NEK10: variants seen among roughly 807,000 people sequenced by gnomAD.
NEK10 encodes the protein NIMA related kinase 10.
Under a neutral mutation model 159.8 loss-of-function variants are expected in NEK10, and 122 were observed. The observed-to-expected ratio is 0.76, with a 90% CI of 0.66 to 0.89. The LOEUF (loss-of-function observed/expected upper bound fraction) is 0.89, where lower values mean the gene tolerates loss of function less well. NEK10 is among the 40% of genes least tolerant of loss of function. The pLI is 0.00. For synonymous variants in NEK10, 466 were observed against 457.1 expected (o/e 1.02, Z -0.25); for missense variants, 1,342 against 1,323.1 (o/e 1.01, Z -0.22).
intron 6 of NEK10, among the ~76,000 whole-genome samples, chr3:27,315,346 G>A (rs1374770150): frequency 2.6e-5 from 4 of 152,114 alleles, no homozygotes; most frequent in African/African-American, 9.7e-5. Context: ...TTTCTCTCAA[G>A]GCCTCCTGGG....
intron 23 of NEK10, 57 bp from the exon 24 acceptor site, chr3:27,202,614 G>A (rs1211633792): frequency 7.1e-7 from 1 of 1,409,254 alleles, no homozygotes; most frequent in African/African-American, 1.5e-5. Context: ...CGCTCAGAAA[G>A]ATCCAATTTT....
chr3:27,301,429 A>C (rs900272975), intron 13 of NEK10, among the ~76,000 whole-genome samples: 1 of 152,144 alleles, frequency 6.6e-6, no homozygotes, highest in Non-Finnish European at 1.5e-5. Flanking sequence ...CCTCATAATA[A>C]AGCTAATGTT....
chr3:27,277,049 A>C (rs920552718), intron 22 of NEK10, among the ~76,000 whole-genome samples: 1 of 152,214 alleles, frequency 6.6e-6, no homozygotes. Flanking sequence ...TTTCTTTAAC[A>C]GTAAAAGCAG....
chr3:27,142,339 C>G lies in NEK10; in HGVS notation c.2870-757G>C, dbSNP rs538897668. ...TTCTCTAGATTACCTACAAGGCCAC[C>G]TCTGCCTCTTTTCACCCACAGAACC... On this transcript the variant is annotated intron_variant, in intron 30 of 35. Transcript: ENST00000691995. Among the ~76,000 whole-genome samples the G allele has an allele frequency of 4.3e-4, 66 of 152,218 alleles. 1 individual carries two copies. In the South Asian group the frequency reaches 0.014, roughly 32 times the overall value.
chr3:27,316,017 C>T (rs184647422), intron 6 of NEK10, among the ~76,000 whole-genome samples: 19 of 152,238 alleles, frequency 1.2e-4, no homozygotes, highest in Admixed American at 2.0e-4. Context: ...GCTGTAATTC[C>T]GAGAGAAGCA....
intron 22 of NEK10, among the ~76,000 whole-genome samples, chr3:27,278,033 G>T (rs986468568): frequency 6.6e-6 from 1 of 152,150 alleles, no homozygotes; most frequent in Non-Finnish European, 1.5e-5. Context: ...TTTAGGCTTT[G>T]CCTAAATGGA....
intron 7 of NEK10, among the ~76,000 whole-genome samples, 194 bp downstream of exon 7, chr3:27,314,103 A>C (rs1286670469): frequency 6.6e-6 from 1 of 152,174 alleles, no homozygotes; most frequent in African/African-American, 2.4e-5. Flanking sequence ...CCAATTAGCC[A>C]GAACAAAATG....
intron 32 of NEK10, among the ~76,000 whole-genome samples, chr3:27,123,946 G>A (rs377334461): frequency 2.8e-4 from 42 of 152,098 alleles, no homozygotes; most frequent in African/African-American, 9.2e-4. Flanking sequence ...AGATGAGGGT[G>A]AACAGAAGGG....
At chr3:27,284,258 G>A (rs1298783778) in intron 22 of NEK10, among the ~76,000 whole-genome samples, 1 of 152,050 alleles carries the variant, frequency 6.6e-6, no homozygotes, top group Non-Finnish European at 1.5e-5. Context: ...GGTGGCGGGT[G>A]CCCATAATCC....
At chr3:27,112,754 G>C (rs972567676) in intron 35 of NEK10, among the ~76,000 whole-genome samples, 2 of 152,210 alleles carry the variant, frequency 1.3e-5, no homozygotes, top group East Asian at 3.9e-4. Flanking sequence ...AAATATATGT[G>C]GCCATGAAAC....
chr3:27,175,069 G>T (rs998055488), intron 26 of NEK10, among the ~76,000 whole-genome samples: 3 of 152,166 alleles, frequency 2.0e-5, no homozygotes, highest in Non-Finnish European at 4.4e-5. Context: ...TGGCAAGAGT[G>T]TTCAGTAGAA....
intron 23 of NEK10, among the ~76,000 whole-genome samples, chr3:27,211,135 A>C (rs67773676): frequency 0.033 from 5,041 of 152,298 alleles, 102 homozygotes; most frequent in African/African-American, 0.044. Flanking sequence ...AATCAGACTC[A>C]ATTTTCATTT....
At chr3:27,269,594 T>C (rs1245703471) in intron 22 of NEK10, among the ~76,000 whole-genome samples, 1 of 152,216 alleles carries the variant, frequency 6.6e-6, no homozygotes, top group Non-Finnish European at 1.5e-5. Flanking sequence ...AATAGACTAT[T>C]GCACACAAAT....
At chr3:27,249,184 A>G (rs758825716) in intron 23 of NEK10, among the ~76,000 whole-genome samples, 8 of 152,226 alleles carry the variant, frequency 5.3e-5, no homozygotes, top group Admixed American at 1.3e-4. Context: ...CTTGTAAAGA[A>G]GGAGCCTTGC....
intron 19 of NEK10, among the ~76,000 whole-genome samples, chr3:27,289,727 T>C (rs1575604068): frequency 6.6e-6 from 1 of 152,222 alleles, no homozygotes; most frequent in East Asian, 1.9e-4. Context: ...GAAGGCTAGA[T>C]GACCATACAA....
At chr3:27,342,745 T>TC (rs1423037758) in intron 5 of NEK10, among the ~76,000 whole-genome samples, 1 of 152,002 alleles carries the variant, frequency 6.6e-6, no homozygotes, top group Admixed American at 6.6e-5. Context: ...TCTAGTGCCT[T>TC]CCCCCAAAGT....
intron 5 of NEK10, among the ~76,000 whole-genome samples, chr3:27,336,312 AC>A (rs533345794): frequency 2.0e-3 from 303 of 152,272 alleles, no homozygotes; most frequent in Non-Finnish European, 3.4e-3. Flanking sequence ...AAATAAAAAA[AC>A]AACAGACCAA....
chr3:27,301,715 A>C lies in NEK10; in HGVS notation c.1149T>G (p.Asn383Lys), dbSNP rs542479402. Residue 383 changes from asparagine (N) to lysine (K), a missense_variant, in exon 13 of 36, where the codon AAT (asparagine) becomes AAG (lysine). Coordinates refer to ENST00000691995, the MANE Select transcript of NEK10 (RefSeq NM_001394966.1). Reference sequence around the variant, plus strand: ...AAATACCTGCTTGAAGTGAGAAAGTATTTTCTTGTATTTCCCTAGGGCTCA... The same window carrying C: ...AAATACCTGCTTGAAGTGAGAAAGTCTTTTCTTGTATTTCCCTAGGGCTCA... Reference protein sequence around the residue: ...EDLSPREIQENTFSLQAACCA... With the variant: ...EDLSPREIQEKTFSLQAACCA... 10 of 1,571,896 alleles carry C rather than the reference A, an allele frequency of 6.4e-6. No individual in the cohort carries two copies. The highest frequency in any genetic ancestry group is 3.6e-5 in the Admixed American group (2 of 56,324).
intron 22 of NEK10, among the ~76,000 whole-genome samples, chr3:27,272,209 A>G (rs2041419630): frequency 6.6e-6 from 1 of 152,180 alleles, no homozygotes; most frequent in South Asian, 2.1e-4. Context: ...ATTCAGCTGT[A>G]AAGTCCCAGC....
Sources: gnomAD v4.1 joint callset for allele counts (sites outside exome capture counted in the v4.1 genomes callset) on GRCh38, gnomAD v4.1.1 for gene constraint, MANE v1.5 for transcripts, NCBI Gene and HGNC (gene_info 2026-07-23, HGNC 2026-07-21) for gene names.